Variants in CTNNA2 observed in about 807,000 individuals in gnomAD.
CTNNA2 encodes the protein catenin alpha-2.
CTNNA2 carries 42 observed loss-of-function variants against 101.0 expected under a neutral mutation model. The ratio of observed to expected loss-of-function variants is 0.42; its 90% CI spans 0.32 to 0.54. The LOEUF is 0.54. CTNNA2 is among the 20% of genes least tolerant of loss of function. The pLI is 0.14. For synonymous variants in CTNNA2, 450 were observed against 456.4 expected, an observed-to-expected ratio of 0.99 and a Z score of 0.18; for missense variants, 871 against 1,223.1, an observed-to-expected ratio of 0.71 and a Z score of 4.29.
chr2:79,264,161 A>G (rs963156234), intron 2 of CTNNA2, among the ~76,000 whole-genome samples: 10 of 152,164 alleles, frequency 6.6e-5, no homozygotes, highest in African/African-American at 2.2e-4. Context: ...ACCACTTGTG[A>G]GAGGCAGTGC....
At chr2:79,760,287 ATGTGTG>A (rs72350498) in intron 3 of CTNNA2, among the ~76,000 whole-genome samples, 6,544 of 149,678 alleles carry the variant, frequency 0.044, 238 homozygotes, top group African/African-American at 0.1. Flanking sequence ...TACATATAAA[ATGTGTG>A]TGTGTGTGTG....
intron 7 of CTNNA2, among the ~76,000 whole-genome samples, chr2:80,374,376 G>A (rs1241190328): frequency 1.3e-5 from 2 of 152,132 alleles, no homozygotes; most frequent in East Asian, 3.9e-4. Flanking sequence ...CCATGTTGCT[G>A]AAGGAACATG....
chr2:80,055,897 G>T (rs973675492), intron 7 of CTNNA2, among the ~76,000 whole-genome samples: 1 of 152,150 alleles, frequency 6.6e-6, no homozygotes, highest in South Asian at 2.1e-4. Flanking sequence ...CCATGTTTCT[G>T]ACTTCTGACT....
At chr2:80,002,284 G>A (rs1228356661) in intron 7 of CTNNA2, among the ~76,000 whole-genome samples, 1 of 152,090 alleles carries the variant, frequency 6.6e-6, no homozygotes, top group South Asian at 2.1e-4. Context: ...CTGGTACCAC[G>A]TGGACCGCTC....
intron 9 of CTNNA2, among the ~76,000 whole-genome samples, chr2:80,505,275 T>C (rs1688178846): frequency 6.6e-6 from 1 of 152,228 alleles, no homozygotes; most frequent in South Asian, 2.1e-4. Context: ...CTTGATAATT[T>C]ACGTAAAGCT....
At chr2:80,574,454 G>A (rs1265678628) in intron 13 of CTNNA2, 140 bp downstream of exon 13, 6 of 1,022,680 alleles carry the variant, frequency 5.9e-6, no homozygotes, top group African/African-American at 1.6e-5. Context: ...GTCAGACAAG[G>A]TGAGCTTTAT....
chr2:80,103,247 TG>T (rs1455070622), intron 7 of CTNNA2, among the ~76,000 whole-genome samples: 1 of 152,182 alleles, frequency 6.6e-6, no homozygotes, highest in Non-Finnish European at 1.5e-5. Context: ...TCAGAAAATC[TG>T]GTTTCTGGTG....
intron 1 of CTNNA2, among the ~76,000 whole-genome samples, chr2:79,536,198 C>T (rs1403178021): frequency 1.3e-5 from 2 of 152,196 alleles, no homozygotes; most frequent in Non-Finnish European, 2.9e-5. Flanking sequence ...GCCTCACTTT[C>T]CCAAGTGGCT....
chr2:79,825,067 T>C (rs1678315070), intron 3 of CTNNA2, among the ~76,000 whole-genome samples: 1 of 152,128 alleles, frequency 6.6e-6, no homozygotes, highest in Admixed American at 6.5e-5. Flanking sequence ...AATGCATCTG[T>C]AGTCCTATCT....
At chr2:79,345,274 G>A (rs556414333) in intron 3 of CTNNA2, among the ~76,000 whole-genome samples, 2 of 152,020 alleles carry the variant, frequency 1.3e-5, no homozygotes, top group Admixed American at 1.3e-4. Flanking sequence ...TTTCCCTTAA[G>A]AGACAGTAAT....
At chr2:80,085,201 T>A (rs1303583791) in intron 7 of CTNNA2, among the ~76,000 whole-genome samples, 1 of 152,070 alleles carries the variant, frequency 6.6e-6, no homozygotes, top group Non-Finnish European at 1.5e-5. Flanking sequence ...CAATATTGGT[T>A]GGTAAGGGCT....
At chr2:79,468,764 T>C (rs896374729) in intron 4 of CTNNA2, among the ~76,000 whole-genome samples, 2 of 152,168 alleles carry the variant, frequency 1.3e-5, no homozygotes, top group Non-Finnish European at 2.9e-5. Context: ...CTGAACAACC[T>C]GCTCCTGAAT....
At chr2:80,263,421 G>A (rs995212456) in intron 7 of CTNNA2, among the ~76,000 whole-genome samples, 5 of 152,128 alleles carry the variant, frequency 3.3e-5, no homozygotes, top group African/African-American at 1.2e-4. Flanking sequence ...TGAAACCTCC[G>A]CCTCCTGGGT....
chr2:80,329,764 G>T (rs1456346527), intron 7 of CTNNA2, among the ~76,000 whole-genome samples: 2 of 152,194 alleles, frequency 1.3e-5, no homozygotes, highest in Admixed American at 6.5e-5. Context: ...TTTGTGTGCG[G>T]CAGGAAAGTG....
At chr2:80,299,422 C>G in intron 7 of CTNNA2, 1 of 151,940 alleles carries the variant, frequency 6.6e-6, no homozygotes, top group East Asian at 1.9e-4. Context: ...ATGATGTGAG[C>G]TAAATTCCCG....
At chr2:79,393,628 G>GAAAAAAAAAAAAAAAAAAAAAAAAAAA (rs71385270) in intron 4 of CTNNA2, among the ~76,000 whole-genome samples, 1 of 89,036 alleles carries the variant, frequency 1.1e-5, no homozygotes, top group African/African-American at 3.8e-5. Flanking sequence ...TGTTCACAGA[G>GAAAAAAAAAAAAAAAAAAAAAAAAAAA]AAAAAAAAAA....
intron 1 of CTNNA2, among the ~76,000 whole-genome samples, chr2:79,568,265 C>T (rs1432076105): frequency 6.6e-6 from 1 of 152,114 alleles, no homozygotes; most frequent in Non-Finnish European, 1.5e-5. Flanking sequence ...TGTACATGCC[C>T]CCAGTGAAGT....
chr2:79,767,886 T>G (rs570940311), intron 3 of CTNNA2, among the ~76,000 whole-genome samples: 32 of 151,682 alleles, frequency 2.1e-4, no homozygotes, highest in Non-Finnish European at 4.0e-4. Context: ...AGCTGTGAGC[T>G]GTGCAGCCTG....
chr2:79,718,128 A>T (rs13033193), intron 2 of CTNNA2, among the ~76,000 whole-genome samples: 25,908 of 152,174 alleles, frequency 0.17, 2,474 homozygotes, highest in Middle Eastern at 0.23. Context: ...AGATGTGATA[A>T]CTTCCTATAG....
Sources: allele counts gnomAD v4.1 joint callset (sites outside exome capture counted in the v4.1 genomes callset), GRCh38; gene constraint gnomAD v4.1.1; transcripts MANE v1.5; gene names NCBI Gene and HGNC (gene_info 2026-07-23, HGNC 2026-07-21).